Variants in KCNMB2 observed in about 807,000 individuals in gnomAD.
KCNMB2 encodes the protein potassium calcium-activated channel subfamily M regulatory beta subunit 2, also known as calcium-activated potassium channel subunit beta-2.
A neutral mutation model predicts 24.5 loss-of-function variants in KCNMB2; 9 were observed. That is an observed-to-expected ratio of 0.37 (90% CI 0.22 to 0.64). The LOEUF (loss-of-function observed/expected upper bound fraction) is 0.64. KCNMB2 is among the 30% of genes least tolerant of loss of function. The pLI, the probability that KCNMB2 is intolerant of heterozygous loss-of-function variation, is 0.63. For synonymous variants in KCNMB2, 109 were observed against 104.4 expected (o/e 1.04, Z -0.27); for missense variants, 226 against 284.3 (o/e 0.79, Z 1.47).
chr3:178,726,584 T>C (rs918689033), intron 1 of KCNMB2, among the ~76,000 whole-genome samples: 5 of 151,798 alleles, frequency 3.3e-5, no homozygotes, highest in African/African-American at 1.2e-4. Context: ...TTTTTTCAAA[T>C]ATTTCTTTAG....
Position 178,821,810 on chromosome 3 carries a change from C to G in KCNMB2, c.57-3778C>G, listed in dbSNP as rs181542236. 9.2e-5 allele frequency among the ~76,000 whole-genome samples: 14 copies of G among 152,272 alleles called. No homozygotes were observed. In the East Asian group the frequency reaches 2.7e-3, roughly 29 times the overall value. On this transcript the variant is annotated intron_variant, in intron 2 of 4. Coordinates refer to ENST00000452583, the MANE Select transcript of KCNMB2 (RefSeq NM_181361.3). Reference sequence around the variant, plus strand: ...TTACTTCCTCATCATCCCCTGTATTCTATCAGCCACCAAATCCTGAAGTTC... The same window carrying G: ...TTACTTCCTCATCATCCCCTGTATTGTATCAGCCACCAAATCCTGAAGTTC...
intron 2 of KCNMB2, among the ~76,000 whole-genome samples, chr3:178,809,441 T>C (rs1481384204): frequency 5.3e-5 from 8 of 152,234 alleles, no homozygotes; most frequent in African/African-American, 1.9e-4. Context: ...GATATTATTA[T>C]GCTGGCTTCA....
At chr3:178,544,666 T>C (rs953199723) in intron 1 of KCNMB2, among the ~76,000 whole-genome samples, 2 of 152,206 alleles carry the variant, frequency 1.3e-5, no homozygotes, top group Non-Finnish European at 2.9e-5. Context: ...CACATGTAGA[T>C]TCCTTGTCAT....
intron 1 of KCNMB2, among the ~76,000 whole-genome samples, chr3:178,743,489 C>T (rs948802745): frequency 2.0e-5 from 3 of 152,178 alleles, no homozygotes; most frequent in Non-Finnish European, 4.4e-5. Context: ...TATACTCCCA[C>T]GTGCTACTAC....
At chr3:178,711,474 A>G (rs1261582020) in intron 1 of KCNMB2, among the ~76,000 whole-genome samples, 1 of 152,122 alleles carries the variant, frequency 6.6e-6, no homozygotes, top group Non-Finnish European at 1.5e-5. Context: ...TGTCTCTCCC[A>G]CCAAGACAGA....
intron 1 of KCNMB2, among the ~76,000 whole-genome samples, chr3:178,728,947 G>A (rs1723052975): frequency 6.6e-6 from 1 of 152,092 alleles, no homozygotes; most frequent in African/African-American, 2.4e-5. Flanking sequence ...TCAAGTGTTG[G>A]TAAGTTGATA....
rs747417045 is a variant in KCNMB2, at chr3:178,668,922, A to G, written c.-68+132211A>G. 3.3e-5 allele frequency among the ~76,000 whole-genome samples: 5 copies of G among 152,204 alleles called. No homozygotes were observed. The South Asian group carries it at 6.2e-4, about 19-fold the overall frequency. ...ATCAAATCACAGGGACAGACAGTTC[A>G]TCTTTCCTTCAGTAATGAAGCTCTC... On this transcript the variant is annotated intron_variant, in intron 1 of 4. Coordinates refer to ENST00000452583, the MANE Select transcript of KCNMB2 (RefSeq NM_181361.3).
chr3:178,694,893 G>A (rs1346987245), intron 1 of KCNMB2, among the ~76,000 whole-genome samples: 2 of 152,234 alleles, frequency 1.3e-5, no homozygotes, highest in Non-Finnish European at 2.9e-5. Context: ...GGAGGATGGT[G>A]GGCTTATTCT....
At chr3:178,803,932 C>T (rs1230396111) in intron 1 of KCNMB2, among the ~76,000 whole-genome samples, 1 of 152,176 alleles carries the variant, frequency 6.6e-6, no homozygotes, top group Admixed American at 6.5e-5. Context: ...CCTCCTTTTA[C>T]TCAGGGCTGA....
intron 2 of KCNMB2, among the ~76,000 whole-genome samples, chr3:178,810,816 C>A (rs1346746690): frequency 1.3e-5 from 2 of 152,056 alleles, no homozygotes; most frequent in Non-Finnish European, 2.9e-5. Flanking sequence ...CTCACTGCAA[C>A]CTCCGCCTCC....
chr3:178,565,393 G>A (rs1237225520), intron 1 of KCNMB2, among the ~76,000 whole-genome samples: 1 of 152,174 alleles, frequency 6.6e-6, no homozygotes, highest in Admixed American at 6.6e-5. Flanking sequence ...CTCTTCTTCT[G>A]AAATGACGTT....
chr3:178,647,827 C>A (rs1402700276), intron 1 of KCNMB2, among the ~76,000 whole-genome samples: 2 of 151,974 alleles, frequency 1.3e-5, no homozygotes, highest in African/African-American at 2.4e-5. Flanking sequence ...TATAGTAGGA[C>A]ATATAATCGT....
chr3:178,730,843 G>A (rs746915840), intron 1 of KCNMB2, among the ~76,000 whole-genome samples: 1 of 152,014 alleles, frequency 6.6e-6, no homozygotes, highest in Admixed American at 6.6e-5. Context: ...TTGTCATTCA[G>A]GCCTTATATC....
intron 1 of KCNMB2, among the ~76,000 whole-genome samples, chr3:178,766,964 T>C (rs1295640298): frequency 6.6e-6 from 1 of 152,200 alleles, no homozygotes; most frequent in African/African-American, 2.4e-5. Context: ...AAGGCAATAG[T>C]TCTCAATATG....
rs1405262329 is a variant in KCNMB2, at chr3:178,760,122, ATC to A, written c.-67-47219_-67-47218del. Among the ~76,000 whole-genome samples, 13 of 38,506 alleles carry A rather than the reference ATC, an allele frequency of 3.4e-4. 1 individual carries two copies. The highest frequency in any genetic ancestry group is 4.8e-4 in the Non-Finnish European group (11 of 22,818). The allele number at this position is 38,506 out of a possible 152,430, so 25.3% of individuals were successfully genotyped here. A position where few individuals can be genotyped will look rare whatever the true frequency, so the allele number is the denominator to read the frequency against. Reference sequence around the variant, plus strand: ...TATATATATATATCCAAGAGGATATATCTATATATATATATATATCCAAGAGG... The same window carrying A: ...TATATATATATATCCAAGAGGATATATATATATATATATATATCCAAGAGG... On this transcript the variant is annotated intron_variant, in intron 1 of 4. Transcript: ENST00000452583.
At chr3:178,757,771 C>G (rs184437924) in intron 1 of KCNMB2, among the ~76,000 whole-genome samples, 3 of 98,574 alleles carry the variant, frequency 3.0e-5, no homozygotes, top group Non-Finnish European at 6.0e-5. Context: ...TATATATATC[C>G]AAGAGGATAT....
intron 1 of KCNMB2, among the ~76,000 whole-genome samples, chr3:178,541,572 T>C (rs1715620691): frequency 6.6e-6 from 1 of 152,216 alleles, no homozygotes; most frequent in South Asian, 2.1e-4. Context: ...TTTCAATTAA[T>C]TAAAATATAA....
intron 1 of KCNMB2, among the ~76,000 whole-genome samples, chr3:178,576,761 G>T (rs1717007814): frequency 6.6e-6 from 1 of 152,196 alleles, no homozygotes; most frequent in South Asian, 2.1e-4. Flanking sequence ...CCACACCTTG[G>T]CAAAGCCGCT....
chr3:178,753,948 T>C (rs1192082720), intron 1 of KCNMB2, among the ~76,000 whole-genome samples: 2 of 150,276 alleles, frequency 1.3e-5, no homozygotes, highest in African/African-American at 4.9e-5. Context: ...TCCATTCTCT[T>C]GTCCCATCAG....
Sources: gnomAD v4.1 joint callset for allele counts (sites outside exome capture counted in the v4.1 genomes callset) on GRCh38, gnomAD v4.1.1 for gene constraint, MANE v1.5 for transcripts, NCBI Gene and HGNC (gene_info 2026-07-23, HGNC 2026-07-21) for gene names.